The following WASHC4 variants were observed in gnomAD, a reference collection of about 807,000 sequenced individuals.
The protein encoded by WASHC4 is WASH complex subunit 7.
In WASHC4, 86 loss-of-function variants were observed where a neutral mutation model predicts 166.6. The observed-to-expected ratio is 0.52, with a 90% CI of 0.43 to 0.62. The LOEUF is 0.62. Among genes scored for constraint, WASHC4 ranks in the 20% least tolerant of loss-of-function variants. The pLI, the probability that WASHC4 is intolerant of heterozygous loss-of-function variation, is 0.00. For missense variants in WASHC4, 1,262 were observed against 1,382.4 expected (o/e 0.91, Z 1.38); for synonymous variants, 446 against 451.6 (o/e 0.99, Z 0.16).
chr12:105,108,026 C>T (rs949904151), intron 1 of WASHC4, among the ~76,000 whole-genome samples, 165 bp downstream of exon 1: 1 of 152,130 alleles, frequency 6.6e-6, no homozygotes, highest in Non-Finnish European at 1.5e-5. Context: ...GCGTTACTTT[C>T]GGGGTTGGGG....
At chr12:105,147,228 G>T in intron 24 of WASHC4, 82 bp downstream of exon 24, 1 of 826,024 alleles carries the variant, frequency 1.2e-6, no homozygotes. Flanking sequence ...GAATATTGCG[G>T]TAAACATACA....
chr12:105,147,088 A>T lies in WASHC4; in HGVS notation c.2456A>T (p.Asn819Ile). The T allele has an allele frequency of 6.2e-7, 1 of 1,611,266 alleles. No homozygotes were observed. The highest frequency in any genetic ancestry group is 8.5e-7 in the Non-Finnish European group (1 of 1,177,432). The change falls in exon 24 of 33, where the codon AAT becomes ATT. Residue 819 changes from asparagine to isoleucine, a missense_variant. Asn to Ile is a moderately radical substitution (Grantham distance 149). Transcript: ENST00000332180. ...AATAACAAGCATTTGAATACTATTA[A>T]TATTCGGCATATTGCTAATTCAATT... ...TSNNKHLNTI[N>I]IRHIANSIRT...
chr12:105,123,299 G>A (rs1880957957), intron 10 of WASHC4, among the ~76,000 whole-genome samples: 1 of 152,140 alleles, frequency 6.6e-6, no homozygotes, highest in South Asian at 2.1e-4. Flanking sequence ...GGGCGACGAG[G>A]GAGACTCCAT....
intron 18 of WASHC4, 118 bp from the exon 19 acceptor site, chr12:105,142,335 T>C (rs1444739510): frequency 4.3e-6 from 3 of 704,966 alleles, no homozygotes; most frequent in African/African-American, 1.7e-5. Context: ...GGTTAAGTGA[T>C]GTAGGGAATG....
Position 105,111,281 on chromosome 12 carries a change from T to A in WASHC4, c.201+17T>A, listed in dbSNP as rs182772377. On this transcript the variant is annotated intron_variant, in intron 2 of 32. Coordinates refer to ENST00000332180, the MANE Select transcript of WASHC4 (RefSeq NM_015275.3). ...GCATTAAAGGTTTGATTTGATTTTT[T>A]AAAAATATATGTATATATTTTCTGG... is the stretch of plus-strand genomic sequence containing the variant. The A allele has an allele frequency of 1.4e-4, 220 of 1,523,518 alleles. No individual in the cohort carries two copies. The African/African-American group carries it at 2.8e-3, about 19-fold the overall frequency. The allele number at this position is 1,523,518 out of a possible 1,614,324, so 94.4% of individuals were successfully genotyped here.
chr12:105,167,953 TGTTA>T lies in WASHC4; in HGVS notation c.*1026_*1029del, dbSNP rs1457166987. ...TGAGTAAATTTTGTGCCCAGCAAGC[TGTTA>T]GTTTTATTTTTGTAAAGGTATGTAA... On this transcript the variant is annotated 3_prime_UTR_variant, in exon 33 of 33. Transcript: ENST00000332180. 3.9e-5 allele frequency: 6 copies of T among 152,492 alleles called. No individual in the cohort carries two copies. Among genetic ancestry groups the T allele is most frequent in the South Asian group, 2.1e-4 (1 of 4,832 alleles). The allele number at this position is 152,492 out of a possible 1,614,324, so 9.4% of individuals were successfully genotyped here.
At chr12:105,165,800 A>G (rs1046100222) in intron 32 of WASHC4, among the ~76,000 whole-genome samples, 1 of 152,186 alleles carries the variant, frequency 6.6e-6, no homozygotes, top group Non-Finnish European at 1.5e-5. Context: ...TTGAATCTAG[A>G]CTAAATAAAC....
intron 2 of WASHC4, 27 bp from the exon 3 acceptor site, chr12:105,114,189 A>G (rs1335142251): frequency 6.3e-7 from 1 of 1,597,006 alleles, no homozygotes; most frequent in Non-Finnish European, 8.6e-7. Context: ...AAATTAAAAG[A>G]AATGTTCTTT....
At position 105,168,334 on chromosome 12, in the gene WASHC4, T is replaced by C. The variant is rs1255603448; in HGVS notation, c.*1403T>C. The C allele has an allele frequency of 6.6e-6, 1 of 152,508 alleles. No homozygotes were observed. The highest frequency in any genetic ancestry group is 1.5e-5 in the Non-Finnish European group (1 of 67,928). 9.4% of individuals were successfully genotyped at this position (152,508 alleles called of 1,614,324 possible). A position where few individuals can be genotyped will look rare whatever the true frequency, so the allele number is the denominator to read the frequency against. On this transcript the variant is annotated 3_prime_UTR_variant, in exon 33 of 33. Coordinates refer to ENST00000332180, the MANE Select transcript of WASHC4 (RefSeq NM_015275.3). ...TATGTAAACATGGCTTACAGAATTA[T>C]GAACAGTGGATAGATTAAAGGCATT...
At chr12:105,118,059 C>T (rs761986681) in intron 6 of WASHC4, among the ~76,000 whole-genome samples, 33 of 152,182 alleles carry the variant, frequency 2.2e-4, no homozygotes, top group Non-Finnish European at 4.1e-4. Context: ...CTCCTTCACT[C>T]ACTCAGATGT....
intron 23 of WASHC4, among the ~76,000 whole-genome samples, chr12:105,146,813 C>T (rs1232371770): frequency 6.6e-6 from 1 of 151,910 alleles, no homozygotes; most frequent in East Asian, 1.9e-4. Flanking sequence ...CTGAAATGCT[C>T]CAGAATCGTA....
intron 24 of WASHC4, chr12:105,148,301 A>G (rs1317551801): frequency 4.1e-6 from 4 of 985,300 alleles, no homozygotes; most frequent in African/African-American, 1.7e-5. Context: ...GAGGATAAAT[A>G]AAACTGAACT....
rs561142762 is a variant in WASHC4, at chr12:105,127,210, C to G, written c.1120C>G (p.Leu374Val). Residue 374 changes from leucine to valine, a missense_variant, in exon 13 of 33, where the codon CTG becomes GTG. Transcript: ENST00000332180. ...LIQKIPAAAK[L>V]LDRKSLQAIK... The stretch of plus-strand genomic sequence containing the variant: ...CCAGAAAATACCAGCAGCTGCCAAA[C>G]TGCTAGACAGAAAAAGTCTTCAAGC... The G allele has an allele frequency of 1.2e-6, 2 of 1,612,108 alleles. No individual in the cohort carries two copies. The highest frequency in any genetic ancestry group is 2.2e-5 in the South Asian group (2 of 91,036).
Position 105,127,157 on chromosome 12 carries a change from T to C in WASHC4, c.1067T>C (p.Ile356Thr), listed in dbSNP as rs754288589. The C allele has an allele frequency of 6.2e-7, 1 of 1,613,272 alleles. No individual in the cohort carries two copies. The highest frequency in any genetic ancestry group is 1.3e-5 in the African/African-American group (1 of 75,010). Residue 356 changes from isoleucine to threonine, a missense_variant, in exon 13 of 33, where the codon ATT (isoleucine) becomes ACT (threonine). Physicochemically the swap from Ile to Thr is moderately conservative, Grantham distance 89. Transcript: ENST00000332180. ...KVPAITLTANIIWFPDNFLIQ... is the reference protein window; with the variant it reads ...KVPAITLTANTIWFPDNFLIQ... ...CCAGCCATCACTCTAACTGCTAATATTATTTGGTTTCCTGATAATTTTCTG... is the reference window on the plus strand; with the variant it reads ...CCAGCCATCACTCTAACTGCTAATACTATTTGGTTTCCTGATAATTTTCTG...
At chr12:105,160,260 G>C (rs954409736) in intron 29 of WASHC4, 112 bp downstream of exon 29, 5 of 904,862 alleles carry the variant, frequency 5.5e-6, no homozygotes, top group Non-Finnish European at 7.0e-6. Flanking sequence ...TAATTTCCTG[G>C]TTGCATATAA....
intron 15 of WASHC4, among the ~76,000 whole-genome samples, chr12:105,138,935 CTG>C (rs1882555454): frequency 1.3e-5 from 2 of 152,186 alleles, no homozygotes; most frequent in East Asian, 3.9e-4. Context: ...TTTTCAAATG[CTG>C]TGTTTTTTCC....
intron 6 of WASHC4, among the ~76,000 whole-genome samples, chr12:105,116,244 G>C (rs562742372): frequency 5.3e-5 from 8 of 152,062 alleles, no homozygotes; most frequent in African/African-American, 1.7e-4. Context: ...GTGCATGTAC[G>C]ATGTGAAAAA....
In WASHC4 at chr12:105,142,312, C is replaced by T. The variant is rs1186355709; in HGVS notation, c.1788-141C>T. On this transcript the variant is annotated intron_variant, in intron 18 of 32. Transcript: ENST00000332180. ...TGATAGTATTTCTTTTGTGACTTTT[C>T]TATACTATGTTGGGTTAAGTGATGT... 8 of 643,646 alleles carry T rather than the reference C, an allele frequency of 1.2e-5. No individual in the cohort carries two copies. In the African/African-American group the frequency reaches 1.3e-4, roughly 10 times the overall value. 39.9% of individuals were successfully genotyped at this position (643,646 alleles called of 1,614,324 possible). A position where few individuals can be genotyped will look rare whatever the true frequency, so the allele number is the denominator to read the frequency against.
At chr12:105,113,067 C>A (rs934165656) in intron 2 of WASHC4, among the ~76,000 whole-genome samples, 3 of 152,054 alleles carry the variant, frequency 2.0e-5, no homozygotes, top group Admixed American at 1.3e-4. Flanking sequence ...TCATCCCCCC[C>A]CAAATTTGTA....
Sources: allele counts gnomAD v4.1 joint callset (sites outside exome capture counted in the v4.1 genomes callset), GRCh38; gene constraint gnomAD v4.1.1; transcripts MANE v1.5; gene names NCBI Gene and HGNC (gene_info 2026-07-23, HGNC 2026-07-21).